AGTPBP1: variants seen among roughly 807,000 people sequenced by gnomAD.
AGTPBP1 encodes ATP/GTP binding carboxypeptidase 1.
In AGTPBP1, 70 loss-of-function variants were observed where a neutral mutation model predicts 143.9. The ratio of observed to expected loss-of-function variants is 0.49; its 90% CI spans 0.40 to 0.59. The LOEUF (loss-of-function observed/expected upper bound fraction) is 0.59. Among genes scored for constraint, AGTPBP1 ranks in the 20% least tolerant of loss-of-function variants. The probability of loss-of-function intolerance (pLI) is 0.00; values close to 1 mark genes in which losing one functional copy is unlikely to be tolerated. For missense variants in AGTPBP1, 1,229 were observed against 1,464.5 expected (o/e 0.84, Z 2.62); for synonymous variants, 463 against 500.2 (o/e 0.93, Z 0.99).
At chr9:85,691,848 C>T (rs936652934) in intron 3 of AGTPBP1, among the ~76,000 whole-genome samples, 10 of 152,150 alleles carry the variant, frequency 6.6e-5, no homozygotes, top group African/African-American at 1.9e-4. Flanking sequence ...AGTACTATTA[C>T]CATCACAAAA....
chr9:85,575,090 C>T (rs1827811723), intron 25 of AGTPBP1, among the ~76,000 whole-genome samples: 1 of 152,068 alleles, frequency 6.6e-6, no homozygotes, highest in African/African-American at 2.4e-5. Flanking sequence ...TAAACCAGTA[C>T]AACCACTAAA....
chr9:85,750,707 C>A, the AGTPBP1 span, among the ~76,000 whole-genome samples: 124 of 152,248 alleles, frequency 8.1e-4, no homozygotes, highest in African/African-American at 2.8e-3. Context: ...TCTCCCTTGT[C>A]CACCTTACCC....
In AGTPBP1 at chr9:85,689,183, A is replaced by G. The variant is rs11141065; in HGVS notation, c.157+3506T>C. Among the ~76,000 whole-genome samples the G allele has an allele frequency of 5.2e-4, 79 of 152,278 alleles. 1 individual carries two copies. The highest frequency in any genetic ancestry group is 1.5e-3 in the African/African-American group (64 of 41,560). ...TCTACAATAAAGTTTATAGGAACTC[A>G]GCCATGCCTGTTTCTTTATGTATCA... On this transcript the variant is annotated intron_variant, in intron 3 of 25. Coordinates refer to ENST00000357081, the MANE Select transcript of AGTPBP1 (RefSeq NM_001330701.2).
intron 14 of AGTPBP1, among the ~76,000 whole-genome samples, chr9:85,622,761 T>C (rs1831020124): frequency 6.6e-6 from 1 of 152,140 alleles, no homozygotes; most frequent in Admixed American, 6.6e-5. Flanking sequence ...CTATCGATTA[T>C]AGTAACACAT....
At chr9:85,578,826 A>G in intron 24 of AGTPBP1, 94 bp downstream of exon 24, 1 of 1,260,052 alleles carries the variant, frequency 7.9e-7, no homozygotes. Flanking sequence ...CAATAAAACA[A>G]ACATCATTTA....
intron 13 of AGTPBP1, among the ~76,000 whole-genome samples, chr9:85,638,683 T>C (rs1056116703): frequency 1.1e-4 from 16 of 151,854 alleles, no homozygotes; most frequent in African/African-American, 3.6e-4. Context: ...TCTTAGAATC[T>C]TAGAGGTAAA....
At chr9:85,657,210 A>AG (rs1833575801) in intron 10 of AGTPBP1, among the ~76,000 whole-genome samples, 1 of 151,860 alleles carries the variant, frequency 6.6e-6, no homozygotes, top group African/African-American at 2.4e-5. Flanking sequence ...CAAAAAAAAA[A>AG]AAAGAAAGAA....
At chr9:85,719,188 T>G (rs1837934875) in intron 1 of AGTPBP1, among the ~76,000 whole-genome samples, 1 of 152,208 alleles carries the variant, frequency 6.6e-6, no homozygotes, top group South Asian at 2.1e-4. Flanking sequence ...AGTAGTTTTT[T>G]CCAATTCTGT....
Position 85,692,742 on chromosome 9 carries a change from G to C in AGTPBP1, c.104C>G (p.Ser35Ter). 2 of 1,614,036 alleles carry C rather than the reference G, an allele frequency of 1.2e-6. No individual in the cohort carries two copies. The highest frequency in any genetic ancestry group is 1.7e-6 in the Non-Finnish European group (2 of 1,179,930). ...TGATGTAACATATCGGGCAGTGTCT[G>C]ATTCTGAAGGCTCAGCATTGATCTT... ...LEKINAEPSE[S>*]DTARYVTSKI... The change falls in exon 3 of 26, where the codon TCA (serine) becomes TGA (stop). Residue 35 changes from serine (S) to a stop codon, truncating the protein, a stop_gained. Transcript: ENST00000357081. LOFTEE classifies it high-confidence loss of function.
intron 1 of AGTPBP1, among the ~76,000 whole-genome samples, chr9:85,730,337 T>C (rs1380215340): frequency 1.3e-5 from 2 of 152,208 alleles, no homozygotes; most frequent in African/African-American, 4.8e-5. Flanking sequence ...GTCCTTTAAA[T>C]ATCTTTTTTA....
At chr9:85,641,196 G>T (rs1037290121) in intron 13 of AGTPBP1, among the ~76,000 whole-genome samples, 1 of 152,148 alleles carries the variant, frequency 6.6e-6, no homozygotes, top group Non-Finnish European at 1.5e-5. Flanking sequence ...GGGGCCTACC[G>T]TATATATTTC....
chr9:85,749,350 A>G, the AGTPBP1 span, among the ~76,000 whole-genome samples: 1 of 152,000 alleles, frequency 6.6e-6, no homozygotes, highest in South Asian at 2.1e-4. Context: ...GAAATGACCC[A>G]CTTATGGGGG....
intron 25 of AGTPBP1, among the ~76,000 whole-genome samples, chr9:85,573,254 C>T (rs1412218017): frequency 6.6e-6 from 1 of 152,162 alleles, no homozygotes; most frequent in East Asian, 1.9e-4. Context: ...CAGGCACGCG[C>T]CACCACGCCT....
chr9:85,612,660 CT>C (rs1830382879), intron 17 of AGTPBP1, among the ~76,000 whole-genome samples: 1 of 152,164 alleles, frequency 6.6e-6, no homozygotes, highest in Admixed American at 6.5e-5. Flanking sequence ...GGACCCACTA[CT>C]TTTGACTGGC....
At chr9:85,633,919 C>T (rs1321248141) in intron 13 of AGTPBP1, among the ~76,000 whole-genome samples, 1 of 149,672 alleles carries the variant, frequency 6.7e-6, no homozygotes, top group African/African-American at 2.5e-5. Flanking sequence ...AGGCCGGGCA[C>T]AGTGGCTCAC....
chr9:85,765,280 C>CTA, the AGTPBP1 span, among the ~76,000 whole-genome samples: 1 of 152,186 alleles, frequency 6.6e-6, no homozygotes, highest in East Asian at 1.9e-4. Context: ...TGACTTTTCT[C>CTA]TATATATATT....
At chr9:85,603,042 A>C (rs2133346315) in intron 17 of AGTPBP1, among the ~76,000 whole-genome samples, 1 of 152,338 alleles carries the variant, frequency 6.6e-6, no homozygotes, top group South Asian at 2.1e-4. Flanking sequence ...CCGAAGGCTA[A>C]GGCACTCTGG....
intron 2 of AGTPBP1, among the ~76,000 whole-genome samples, chr9:85,702,528 T>G (rs1466739443): frequency 1.3e-5 from 2 of 152,214 alleles, no homozygotes; most frequent in Non-Finnish European, 2.9e-5. Flanking sequence ...TATCTGTTTC[T>G]GTTTTATGAT....
At chr9:85,736,929 AC>A (rs1823830020) in intron 1 of AGTPBP1, among the ~76,000 whole-genome samples, 1 of 152,178 alleles carries the variant, frequency 6.6e-6, no homozygotes, top group South Asian at 2.1e-4. Flanking sequence ...ACGCGGTGAA[AC>A]CCCATTTCTA....
Sources: gnomAD v4.1 joint callset for allele counts (sites outside exome capture counted in the v4.1 genomes callset) on GRCh38, gnomAD v4.1.1 for gene constraint, MANE v1.5 for transcripts, NCBI Gene and HGNC (gene_info 2026-07-23, HGNC 2026-07-21) for gene names.